Variants in ARHGEF4 observed in about 807,000 individuals in gnomAD.
ARHGEF4 encodes the protein Rho guanine nucleotide exchange factor 4, also known as APC-stimulated guanine nucleotide exchange factor 1.
A neutral mutation model predicts 162.0 loss-of-function variants in ARHGEF4; 119 were observed. The observed-to-expected ratio is 0.73, with a 90% CI of 0.63 to 0.86. The LOEUF is 0.86. Ranked by LOEUF, ARHGEF4 falls within the 40% of genes least tolerant of loss-of-function variation. The probability of loss-of-function intolerance (pLI) is 0.00; values close to 1 mark genes in which losing one functional copy is unlikely to be tolerated. For synonymous variants in ARHGEF4, 1,014 were observed against 979.9 expected (o/e 1.03, Z -0.65); for missense variants, 2,488 against 2,456.0 (o/e 1.01, Z -0.28).
At chr2:131,007,726 A>G (rs975655529) in intron 4 of ARHGEF4, among the ~76,000 whole-genome samples, 2 of 150,296 alleles carry the variant, frequency 1.3e-5, no homozygotes, top group Admixed American at 1.3e-4. Flanking sequence ...TTTGTAAGCT[A>G]CTTTTTAATT....
At chr2:130,894,450 C>T (rs987810924) in intron 1 of ARHGEF4, among the ~76,000 whole-genome samples, 2 of 152,046 alleles carry the variant, frequency 1.3e-5, no homozygotes, top group African/African-American at 4.8e-5. Flanking sequence ...TCGCTTTGGG[C>T]CCTTTCTCAG....
chr2:131,032,273 G>A lies in ARHGEF4; in HGVS notation c.4125+4189G>A, dbSNP rs779462550. Among the ~76,000 whole-genome samples, 53 of 151,968 alleles carry A rather than the reference G, an allele frequency of 3.5e-4. 1 individual carries two copies. The highest frequency in any genetic ancestry group is 7.4e-4 in the Non-Finnish European group (50 of 67,976). ...TCCCCAGGGCAGGGTCACTGCCCTT[G>A]CTCTCCTGGCATTCTCCATGAGACA... On this transcript the variant is annotated intron_variant, in intron 5 of 13. Transcript: ENST00000409359.
intron 4 of ARHGEF4, among the ~76,000 whole-genome samples, chr2:130,985,014 C>CTG (rs1686388223): frequency 2.6e-5 from 4 of 152,078 alleles, no homozygotes; most frequent in African/African-American, 4.8e-5. Flanking sequence ...AGGGTGCTCC[C>CTG]CCATCAAGCT....
rs368452142 is a variant in ARHGEF4 at position 130,988,901 on chromosome 2, TAGAGAG to T, written c.3986-39014_3986-39009del. Among the ~76,000 whole-genome samples, 492 of 113,324 alleles carry T rather than the reference TAGAGAG, an allele frequency of 4.3e-3. 2 individuals are homozygous for T. Among genetic ancestry groups the T allele is most frequent in the Admixed American group, 0.02 (208 of 10,658 alleles). 74.3% of individuals were successfully genotyped at this position (113,324 alleles called of 152,430 possible). A position where few individuals can be genotyped will look rare whatever the true frequency, so the allele number is the denominator to read the frequency against. Reference sequence around the variant, plus strand: ...ATATATATATATATATATATATATATAGAGAGAGAGAGAGAGAGAGAGAGAGAGAGA... The same window carrying T: ...ATATATATATATATATATATATATATAGAGAGAGAGAGAGAGAGAGAGAGA... On this transcript the variant is annotated intron_variant, in intron 4 of 13. Transcript: ENST00000409359.
At chr2:130,864,169 G>C (rs1012531420) in intron 1 of ARHGEF4, among the ~76,000 whole-genome samples, 65 of 150,058 alleles carry the variant, frequency 4.3e-4, no homozygotes, top group African/African-American at 1.6e-3. Context: ...CTGGGCGACA[G>C]AGACTCTGTC....
chr2:130,886,879 C>T (rs1191313803), intron 1 of ARHGEF4, among the ~76,000 whole-genome samples: 1 of 151,688 alleles, frequency 6.6e-6, no homozygotes, highest in Non-Finnish European at 1.5e-5. Context: ...TGTCCAGCAG[C>T]ATTTGTTGAA....
At chr2:130,878,352 A>G (rs1330660069) in intron 1 of ARHGEF4, among the ~76,000 whole-genome samples, 1 of 152,180 alleles carries the variant, frequency 6.6e-6, no homozygotes, top group African/African-American at 2.4e-5. Context: ...GTCAGAAGAC[A>G]TGAGATTCCT....
intron 1 of ARHGEF4, among the ~76,000 whole-genome samples, chr2:130,879,531 C>G (rs1351447630): frequency 1.3e-5 from 2 of 152,142 alleles, no homozygotes; most frequent in African/African-American, 2.4e-5. Flanking sequence ...CAATAGATCT[C>G]TTGAACTTAT....
chr2:131,022,523 T>C (rs1158364264), intron 4 of ARHGEF4, among the ~76,000 whole-genome samples: 2 of 152,142 alleles, frequency 1.3e-5, no homozygotes, highest in African/African-American at 2.4e-5. Context: ...ATCAAAACTT[T>C]TGATTTTTTA....
intron 4 of ARHGEF4, among the ~76,000 whole-genome samples, chr2:130,976,341 GTGTGTGTC>G (rs1212021702): frequency 6.3e-4 from 40 of 63,938 alleles, no homozygotes; most frequent in Admixed American, 1.4e-3. Flanking sequence ...TCGTGTGTGT[GTGTGTGTC>G]TGTGTGTGTG....
At chr2:130,938,721 CA>C (rs1339911888) in intron 3 of ARHGEF4, among the ~76,000 whole-genome samples, 13 of 152,224 alleles carry the variant, frequency 8.5e-5, no homozygotes, top group Admixed American at 4.6e-4. Flanking sequence ...AGGGTCTTCA[CA>C]GAACAAATTT....
At chr2:130,999,289 G>A in intron 4 of ARHGEF4, among the ~76,000 whole-genome samples, 1 of 151,650 alleles carries the variant, frequency 6.6e-6, no homozygotes, top group East Asian at 1.9e-4. Context: ...CAACTAGCTG[G>A]GACTACAGGC....
intron 4 of ARHGEF4, among the ~76,000 whole-genome samples, chr2:130,993,435 AAAG>A (rs1687178128): frequency 6.6e-6 from 1 of 151,818 alleles, no homozygotes; most frequent in African/African-American, 2.4e-5. Flanking sequence ...ATGTACTTAA[AAAG>A]AATGTGTATT....
chr2:130,961,067 C>G lies in ARHGEF4; in HGVS notation c.3985+14432C>G, dbSNP rs2105188522. Reference sequence around the variant, plus strand: ...TGGCATGGCACCCTCCACTTAGCAACACACCTCAGGCCCCTGAAAGTCCTG... The same window carrying G: ...TGGCATGGCACCCTCCACTTAGCAAGACACCTCAGGCCCCTGAAAGTCCTG... On this transcript the variant is annotated intron_variant, in intron 4 of 13. Coordinates refer to ENST00000409359, the MANE Select transcript of ARHGEF4 (RefSeq NM_001367493.1). 1.3e-5 allele frequency among the ~76,000 whole-genome samples: 2 copies of G among 152,350 alleles called. 1 individual carries two copies.
chr2:130,848,188 G>C (rs1299759162), intron 1 of ARHGEF4, among the ~76,000 whole-genome samples: 1 of 152,192 alleles, frequency 6.6e-6, no homozygotes, highest in Non-Finnish European at 1.5e-5. Context: ...CGACCTCAGA[G>C]GGGCTGCAGC....
intron 6 of ARHGEF4, 96 bp from the exon 7 acceptor site, chr2:131,039,920 G>A (rs900200185): frequency 4.9e-5 from 73 of 1,485,636 alleles, no homozygotes; most frequent in Non-Finnish European, 6.5e-5. Flanking sequence ...TACACCCTGC[G>A]GGGCCTCCGA....
intron 5 of ARHGEF4, among the ~76,000 whole-genome samples, chr2:131,032,875 C>T (rs1406467897): frequency 5.0e-5 from 6 of 119,942 alleles, no homozygotes; most frequent in African/African-American, 1.6e-4. Context: ...TTTTTTGAGA[C>T]GGGGTCTCAC....
At chr2:130,999,436 A>T (rs113084747) in intron 4 of ARHGEF4, among the ~76,000 whole-genome samples, 1 of 152,086 alleles carries the variant, frequency 6.6e-6, no homozygotes, top group Admixed American at 6.5e-5. Context: ...GATTACAGGC[A>T]TGAGCCACTG....
chr2:130,866,464 A>G (rs1417127852), intron 1 of ARHGEF4, among the ~76,000 whole-genome samples: 1 of 152,140 alleles, frequency 6.6e-6, no homozygotes, highest in Non-Finnish European at 1.5e-5. Flanking sequence ...CTTCCATGCT[A>G]TGTTATGTGG....
Sources: gnomAD v4.1 joint callset for allele counts (sites outside exome capture counted in the v4.1 genomes callset) on GRCh38, gnomAD v4.1.1 for gene constraint, MANE v1.5 for transcripts, NCBI Gene and HGNC (gene_info 2026-07-23, HGNC 2026-07-21) for gene names.